Variants in CMIP observed in about 807,000 individuals in gnomAD.
CMIP encodes c-Maf inducing protein.
A neutral mutation model predicts 97.3 loss-of-function variants in CMIP; 13 were observed. That is an observed-to-expected ratio of 0.13 (90% CI 0.09 to 0.21). CMIP has a LOEUF of 0.21. CMIP is among the 10% of genes least tolerant of loss of function. CMIP has a pLI of 1.00. For missense variants in CMIP, 847 were observed against 1,024.9 expected (o/e 0.83, Z 2.37); for synonymous variants, 538 against 436.3 (o/e 1.23, Z -2.91).
intron 1 of CMIP, among the ~76,000 whole-genome samples, chr16:81,539,803 C>T (rs111854567): frequency 6.6e-6 from 1 of 152,238 alleles, no homozygotes; most frequent in Non-Finnish European, 1.5e-5. Context: ...TGACCATTCC[C>T]CCACCACAGG....
At chr16:81,567,385 G>A (rs1160812231) in intron 1 of CMIP, among the ~76,000 whole-genome samples, 5 of 152,260 alleles carry the variant, frequency 3.3e-5, no homozygotes, top group African/African-American at 1.2e-4. Context: ...GGTGTTGGGA[G>A]GGTGGCCTGG....
intron 1 of CMIP, among the ~76,000 whole-genome samples, chr16:81,553,559 C>T (rs1033814060): frequency 2.6e-5 from 4 of 152,180 alleles, no homozygotes; most frequent in Admixed American, 6.5e-5. Flanking sequence ...GCAACTGTGA[C>T]GCCCTGTGGC....
intron 1 of CMIP, among the ~76,000 whole-genome samples, chr16:81,500,373 CCTTTCCTCCCTTCCTCCTT>C (rs1280493552): frequency 2.5e-4 from 30 of 120,350 alleles, no homozygotes; most frequent in African/African-American, 8.6e-4. Context: ...CTTCCTCTCT[CCTTTCCTCCCTTCCTCCTT>C]CTCTCTCTCC....
intron 10 of CMIP, among the ~76,000 whole-genome samples, chr16:81,691,408 G>A (rs1323985541): frequency 6.6e-6 from 1 of 152,102 alleles, no homozygotes; most frequent in Non-Finnish European, 1.5e-5. Flanking sequence ...GAAGTACTGG[G>A]GTGCAGAGCT....
chr16:81,469,064 C>T (rs1298691726), intron 1 of CMIP, among the ~76,000 whole-genome samples: 1 of 152,188 alleles, frequency 6.6e-6, no homozygotes, highest in African/African-American at 2.4e-5. Flanking sequence ...AACCTTAGGC[C>T]CAAGAACCTG....
chr16:81,583,685 A>T (rs1320107126), intron 1 of CMIP, among the ~76,000 whole-genome samples: 1 of 152,102 alleles, frequency 6.6e-6, no homozygotes, highest in Non-Finnish European at 1.5e-5. Flanking sequence ...TTGGACCTAA[A>T]GTCCTCTGTC....
At chr16:81,696,716 G>A in intron 14 of CMIP, 49 bp downstream of exon 14, 1 of 1,550,448 alleles carries the variant, frequency 6.4e-7, no homozygotes. Context: ...CCCTGGGCTT[G>A]CCATGCCTGA....
rs762277222 is a variant in CMIP, at chr16:81,693,348, C to T, written c.1482-91C>T. Reference sequence around the variant, plus strand: ...CACCGCCTTGCCCAGCTCCCTGGCCCGTTCTTCCTTGACACCATCCCCTCC... The same window carrying T: ...CACCGCCTTGCCCAGCTCCCTGGCCTGTTCTTCCTTGACACCATCCCCTCC... On this transcript the variant is annotated intron_variant, in intron 12 of 20. Transcript: ENST00000537098. The T allele has an allele frequency of 2.0e-5, 31 of 1,532,598 alleles. No individual in the cohort carries two copies. The Middle Eastern group carries it at 1.5e-3, about 75-fold the overall frequency. 94.9% of individuals were successfully genotyped at this position (1,532,598 alleles called of 1,614,324 possible).
intron 1 of CMIP, chr16:81,464,498 ATT>A (rs1907083994): frequency 1.5e-5 from 1 of 66,748 alleles, no homozygotes; most frequent in Admixed American, 1.2e-4. Flanking sequence ...TGAAGGTCTC[ATT>A]CATTCATTCA....
chr16:81,704,095 C>G lies in CMIP; in HGVS notation c.2091+10C>G, dbSNP rs893462781. 9 of 1,600,282 alleles carry G rather than the reference C, an allele frequency of 5.6e-6. No individual in the cohort carries two copies. The Admixed American group carries it at 6.8e-5, about 12-fold the overall frequency. ...CCTGTGGTCCACTCAGGTACGTCCT[C>G]CCGCCCTGCTGCAGTCCCCCACACC... On this transcript the variant is annotated intron_variant, in intron 18 of 20. Transcript: ENST00000537098.
intron 1 of CMIP, among the ~76,000 whole-genome samples, chr16:81,536,275 T>C (rs1229670179): frequency 6.6e-6 from 1 of 152,150 alleles, no homozygotes; most frequent in African/African-American, 2.4e-5. Flanking sequence ...TTGGGAGTGC[T>C]CCTTGCCTTG....
At chr16:81,612,188 C>T (rs533072031) in intron 2 of CMIP, among the ~76,000 whole-genome samples, 431 of 152,314 alleles carry the variant, frequency 2.8e-3, no homozygotes, top group Admixed American at 4.6e-3. Flanking sequence ...AGCAGCGCGG[C>T]GCAGATCATC....
chr16:81,603,883 G>C (rs1238844284), intron 1 of CMIP, among the ~76,000 whole-genome samples: 1 of 152,214 alleles, frequency 6.6e-6, no homozygotes, highest in Non-Finnish European at 1.5e-5. Context: ...ACTGTGCTGA[G>C]TCCTTGATAA....
chr16:81,449,535 C>T (rs1050975007), intron 1 of CMIP, among the ~76,000 whole-genome samples: 4 of 152,206 alleles, frequency 2.6e-5, no homozygotes, highest in African/African-American at 9.7e-5. Context: ...ACAGATCCCA[C>T]GAGAACTCAT....
At chr16:81,467,362 A>G (rs1031974946) in intron 1 of CMIP, among the ~76,000 whole-genome samples, 16 of 152,190 alleles carry the variant, frequency 1.1e-4, no homozygotes, top group Non-Finnish European at 1.8e-4. Flanking sequence ...CAGCCTCTAT[A>G]GCAGTGCCCC....
At chr16:81,524,951 A>G (rs2090101281) in intron 1 of CMIP, among the ~76,000 whole-genome samples, 1 of 151,664 alleles carries the variant, frequency 6.6e-6, no homozygotes, top group South Asian at 2.1e-4. Flanking sequence ...ACATGACATC[A>G]TGCCTGGCTG....
At chr16:81,636,533 A>G (rs1001245110) in intron 3 of CMIP, among the ~76,000 whole-genome samples, 1 of 149,476 alleles carries the variant, frequency 6.7e-6, no homozygotes, top group African/African-American at 2.5e-5. Flanking sequence ...GTGAGCCAAG[A>G]TTGCGCCACT....
Position 81,640,770 on chromosome 16 carries a change from G to GTCTC in CMIP, c.478-11422_478-11419dup, listed in dbSNP as rs1555542721. ...TGTGTGTGTGTGTGTGTGTGTGTGT[G>GTCTC]TCTCTCTCTCTCTCCACATGGCCTT... On this transcript the variant is annotated intron_variant, in intron 3 of 20. Transcript: ENST00000537098. Among the ~76,000 whole-genome samples, 462 of 135,680 alleles carry GTCTC rather than the reference G, an allele frequency of 3.4e-3. 5 individuals carry two copies. The highest frequency in any genetic ancestry group is 0.012 in the African/African-American group (419 of 35,836). 89.0% of individuals were successfully genotyped at this position (135,680 alleles called of 152,430 possible).
intron 1 of CMIP, among the ~76,000 whole-genome samples, chr16:81,466,290 C>G (rs139532174): frequency 6.6e-6 from 1 of 152,110 alleles, no homozygotes; most frequent in African/African-American, 2.4e-5. Context: ...TGAACTCCTG[C>G]GATCAAGTGA....
Sources: gnomAD v4.1 joint callset for allele counts (sites outside exome capture counted in the v4.1 genomes callset) on GRCh38, gnomAD v4.1.1 for gene constraint, MANE v1.5 for transcripts, NCBI Gene and HGNC (gene_info 2026-07-23, HGNC 2026-07-21) for gene names.